The following ARL15 variants were observed in gnomAD, a reference collection of about 807,000 sequenced individuals.
ARL15 encodes the protein ADP-ribosylation factor-like protein 15.
Under a neutral mutation model 25.2 loss-of-function variants are expected in ARL15, and 19 were observed. That is an observed-to-expected ratio of 0.75 (90% CI 0.53 to 1.10). The LOEUF (loss-of-function observed/expected upper bound fraction) is 1.10. Ranked by LOEUF, ARL15 falls within the 50% of genes least tolerant of loss-of-function variation. ARL15 has a pLI of 0.00. For missense variants in ARL15, 220 were observed against 246.0 expected (o/e 0.89, Z 0.71); for synonymous variants, 94 against 86.8 (o/e 1.08, Z -0.46).
chr5:54,059,253 G>A (rs954879107), intron 4 of ARL15, among the ~76,000 whole-genome samples: 1 of 152,210 alleles, frequency 6.6e-6, no homozygotes, highest in African/African-American at 2.4e-5. Flanking sequence ...AATGACAGTG[G>A]AGCAGGCTTA....
At chr5:54,047,700 G>A (rs573391023) in intron 4 of ARL15, among the ~76,000 whole-genome samples, 70 of 152,284 alleles carry the variant, frequency 4.6e-4, no homozygotes, top group African/African-American at 1.6e-3. Flanking sequence ...TAACCAGTAT[G>A]CACTGAAGTT....
chr5:54,005,638 C>T (rs910487889), intron 4 of ARL15, among the ~76,000 whole-genome samples: 3 of 151,618 alleles, frequency 2.0e-5, no homozygotes, highest in South Asian at 4.2e-4. Flanking sequence ...CCGAGGCGGG[C>T]GGATCACGAG....
intron 4 of ARL15, among the ~76,000 whole-genome samples, chr5:53,929,367 T>C (rs1746129675): frequency 1.3e-5 from 2 of 152,170 alleles, no homozygotes; most frequent in South Asian, 4.1e-4. Context: ...AACCCGAATA[T>C]GCATTTCTCT....
At chr5:54,179,051 G>A (rs1754971115) in intron 1 of ARL15, among the ~76,000 whole-genome samples, 1 of 152,190 alleles carries the variant, frequency 6.6e-6, no homozygotes, top group Non-Finnish European at 1.5e-5. Flanking sequence ...GGAGGAAACT[G>A]AGGCTCAAAG....
intron 4 of ARL15, among the ~76,000 whole-genome samples, chr5:54,019,117 A>G (rs1375761355): frequency 6.6e-6 from 1 of 152,080 alleles, no homozygotes; most frequent in African/African-American, 2.4e-5. Context: ...TGAATTTATT[A>G]TCATAAAGTA....
chr5:54,113,229 G>A lies in ARL15; in HGVS notation c.435C>T (p.Asp145=), dbSNP rs202159658. 1.2e-6 allele frequency: 2 copies of A among 1,613,754 alleles called. No homozygotes were observed. Among genetic ancestry groups the A allele is most frequent in the Non-Finnish European group, 1.7e-6 (2 of 1,179,856 alleles). Reference sequence around the variant, plus strand: ...CTTGTACTGAGCGAGCTGCTGGCTTGTCTTGATGATTGGCCAATATTAAAA... The same window carrying A: ...CTTGTACTGAGCGAGCTGCTGGCTTATCTTGATGATTGGCCAATATTAAAA... ...LPFLILANHQ[D]KPAARSVQEI... is the part of the protein sequence containing the mutation. The change falls in exon 4 of 5, where the codon GAC becomes GAT. Residue 145 remains aspartate (D), a synonymous_variant. Transcript: ENST00000504924.
chr5:54,223,971 C>A (rs1467194756), intron 1 of ARL15, among the ~76,000 whole-genome samples: 1 of 152,002 alleles, frequency 6.6e-6, no homozygotes, highest in Non-Finnish European at 1.5e-5. Flanking sequence ...GCAAAAAGTA[C>A]GCATCAGTAC....
At chr5:54,020,881 G>A (rs1356114223) in intron 4 of ARL15, among the ~76,000 whole-genome samples, 1 of 151,982 alleles carries the variant, frequency 6.6e-6, no homozygotes, top group Non-Finnish European at 1.5e-5. Flanking sequence ...CTTGAATCCA[G>A]GAGGCAGAGG....
chr5:54,228,202 G>A lies in ARL15; in HGVS notation c.49-56274C>T, dbSNP rs74480741. The stretch of plus-strand genomic sequence containing the variant: ...CACATCCCTAAAAATAGAGGCAAAG[G>A]GGACAAAAATTATCTTCAGAAAGCC... On this transcript the variant is annotated intron_variant, in intron 1 of 4. Transcript: ENST00000504924. Among the ~76,000 whole-genome samples, 684 of 152,154 alleles carry A rather than the reference G, an allele frequency of 4.5e-3. 6 individuals carry two copies. The highest frequency in any genetic ancestry group is 0.016 in the African/African-American group (646 of 41,484).
At chr5:54,080,066 T>C (rs1751748157) in intron 4 of ARL15, among the ~76,000 whole-genome samples, 1 of 151,888 alleles carries the variant, frequency 6.6e-6, no homozygotes, top group South Asian at 2.1e-4. Flanking sequence ...GGAAATGACC[T>C]TCTATGAATG....
chr5:54,007,802 A>G (rs1749095884), intron 4 of ARL15, among the ~76,000 whole-genome samples: 1 of 152,228 alleles, frequency 6.6e-6, no homozygotes. Context: ...AAGATACATA[A>G]GCCTGAGTCC....
chr5:54,153,822 T>TAAACA (rs555478587), intron 3 of ARL15, among the ~76,000 whole-genome samples: 3 of 151,762 alleles, frequency 2.0e-5, no homozygotes, highest in Admixed American at 6.6e-5. Flanking sequence ...TAAGGGAAAA[T>TAAACA]AAACAAAACA....
intron 4 of ARL15, among the ~76,000 whole-genome samples, chr5:54,064,867 C>A (rs1751169719): frequency 6.6e-6 from 1 of 152,124 alleles, no homozygotes; most frequent in African/African-American, 2.4e-5. Flanking sequence ...GTTACAAAAC[C>A]CACATTTATG....
chr5:53,947,175 T>G (rs1312884205), intron 4 of ARL15, among the ~76,000 whole-genome samples: 69 of 63,568 alleles, frequency 1.1e-3, no homozygotes, highest in African/African-American at 5.1e-3. Flanking sequence ...AGGGTGTGTG[T>G]GTGTGTGTGT....
chr5:54,078,249 A>T (rs1751673671), intron 4 of ARL15, among the ~76,000 whole-genome samples: 3 of 152,210 alleles, frequency 2.0e-5, no homozygotes, highest in African/African-American at 7.2e-5. Context: ...GAAAACCCTC[A>T]GAATAGCTTT....
Position 54,282,010 on chromosome 5 carries a change from G to A in ARL15, c.48+28422C>T, listed in dbSNP as rs189294066. Reference sequence around the variant, plus strand: ...ATTGCATCTAACATTTTGCTTTTATGAATATTTCTACTAGGAACCTTTCCT... The same window carrying A: ...ATTGCATCTAACATTTTGCTTTTATAAATATTTCTACTAGGAACCTTTCCT... On this transcript the variant is annotated intron_variant, in intron 1 of 4. Coordinates refer to ENST00000504924, the MANE Select transcript of ARL15 (RefSeq NM_019087.3). Among the ~76,000 whole-genome samples the A allele has an allele frequency of 2.8e-3, 425 of 152,250 alleles. 2 individuals are homozygous for A. The highest frequency in any genetic ancestry group is 0.014 in the Middle Eastern group (4 of 292).
chr5:54,036,663 G>C (rs1312285791), intron 4 of ARL15, among the ~76,000 whole-genome samples: 2 of 152,158 alleles, frequency 1.3e-5, no homozygotes, highest in African/African-American at 4.8e-5. Context: ...GTGGCAGATG[G>C]ATAAAAGGGA....
chr5:54,078,289 C>T (rs568434887), intron 4 of ARL15, among the ~76,000 whole-genome samples: 5 of 152,256 alleles, frequency 3.3e-5, no homozygotes, highest in South Asian at 2.1e-4. Context: ...GCTTACTCCA[C>T]AGGCTGGTCT....
intron 4 of ARL15, among the ~76,000 whole-genome samples, chr5:54,040,504 T>C (rs1750304801): frequency 6.6e-6 from 1 of 152,196 alleles, no homozygotes. Flanking sequence ...CCTAAAAGCT[T>C]GGATTCTATG....
Sources: gnomAD v4.1 joint callset for allele counts (sites outside exome capture counted in the v4.1 genomes callset) on GRCh38, gnomAD v4.1.1 for gene constraint, MANE v1.5 for transcripts, NCBI Gene and HGNC (gene_info 2026-07-23, HGNC 2026-07-21) for gene names.